The following ROS1 variants were observed in gnomAD, a reference collection of about 807,000 sequenced individuals.
ROS1 encodes ROS proto-oncogene 1, receptor tyrosine kinase.
In ROS1, 263 loss-of-function variants were observed where a neutral mutation model predicts 273.5. The observed-to-expected ratio is 0.96, with a 90% CI of 0.87 to 1.06. The LOEUF (loss-of-function observed/expected upper bound fraction) is 1.06, where lower values mean the gene tolerates loss of function less well. Ranked by LOEUF, ROS1 falls within the 50% of genes least tolerant of loss-of-function variation. The pLI is 0.00. For synonymous variants in ROS1, 1,008 were observed against 954.1 expected, an observed-to-expected ratio of 1.06 and a Z score of -1.04; for missense variants, 2,833 against 2,751.1, an observed-to-expected ratio of 1.03 and a Z score of -0.67.
In ROS1 at chr6:117,288,730, C is replaced by T. The variant is rs771217753; in HGVS notation, c.6788G>A (p.Arg2263Gln). 61 of 1,613,900 alleles carry T rather than the reference C, an allele frequency of 3.8e-5. No individual in the cohort carries two copies. Among genetic ancestry groups the T allele is most frequent in the Admixed American group, 1.0e-4 (6 of 59,986 alleles). The change falls in exon 44 of 44, where the codon CGA (arginine) becomes CAA (glutamine). Residue 2263 changes from arginine to glutamine, a missense_variant. Arg to Gln is a conservative substitution (Grantham distance 43). Transcript: ENST00000368507. ...AAGTACCATATAGTTTAACCCTTCT[C>T]GGTTCTTCGTTTCCATTAAAGCAAC... ...MPVALMETKN[R>Q]EGLNYMVLAT... is the part of the protein sequence containing the mutation.
chr6:117,385,654 A>G, intron 16 of ROS1, 29 bp downstream of exon 16: 1 of 1,608,748 alleles, frequency 6.2e-7, no homozygotes, highest in African/African-American at 1.3e-5. Flanking sequence ...ATCATTCTAG[A>G]GCATCCAGAA....
intron 35 of ROS1, among the ~76,000 whole-genome samples, chr6:117,322,947 G>C (rs1490294740): frequency 1.3e-5 from 2 of 152,124 alleles, no homozygotes; most frequent in African/African-American, 2.4e-5. Flanking sequence ...CTAGAGTTAT[G>C]GGTTTAAACA....
In ROS1 at chr6:117,341,618, G is replaced by A. The variant is rs2128622798; in HGVS notation, c.4666C>T (p.Gln1556Ter). The part of the protein sequence containing the change: ...KTKNGVPEAV[Q>*]LINTTVRSDT... ...GACCGCACAGTTGTATTAATGAGCT[G>A]CACTGCCTCTGGTACTGAAATAAAT... is the stretch of plus-strand genomic sequence containing the variant. The change falls in exon 30 of 44, where the codon CAG becomes TAG. Residue 1556 changes from glutamine to a stop codon, truncating the protein, a stop_gained. Coordinates refer to ENST00000368507, the MANE Select transcript of ROS1 (RefSeq NM_001378902.1). LOFTEE classifies it high-confidence loss of function. 2 of 1,612,518 alleles carry A rather than the reference G, an allele frequency of 1.2e-6. No individual in the cohort carries two copies. Among genetic ancestry groups the A allele is most frequent in the African/African-American group, 2.7e-5 (2 of 75,008 alleles).
intron 18 of ROS1, among the ~76,000 whole-genome samples, chr6:117,371,478 G>A (rs984825661): frequency 6.6e-6 from 1 of 152,184 alleles, no homozygotes; most frequent in East Asian, 1.9e-4. Context: ...GATCCTTGGG[G>A]AGGGCTGCCA....
intron 39 of ROS1, among the ~76,000 whole-genome samples, chr6:117,311,758 C>G (rs1775567297): frequency 6.6e-6 from 1 of 152,088 alleles, no homozygotes; most frequent in Non-Finnish European, 1.5e-5. Flanking sequence ...CAAACATACA[C>G]TTGAGCCTGT....
chr6:117,342,839 G>A (rs994135624), intron 28 of ROS1, among the ~76,000 whole-genome samples: 2 of 152,034 alleles, frequency 1.3e-5, no homozygotes, highest in Non-Finnish European at 2.9e-5. Flanking sequence ...CATTGTATTA[G>A]AAATTCAGCA....
chr6:117,396,500 C>G (rs1447345802), intron 8 of ROS1, among the ~76,000 whole-genome samples: 1 of 151,732 alleles, frequency 6.6e-6, no homozygotes, highest in Non-Finnish European at 1.5e-5. Flanking sequence ...TCTGCATGAC[C>G]CCCATTCTTC....
chr6:117,306,018 T>C (rs1394024288), intron 42 of ROS1, among the ~76,000 whole-genome samples: 1 of 147,902 alleles, frequency 6.8e-6, no homozygotes. Flanking sequence ...TCTTTACAAC[T>C]CTTCTCCTCA....
intron 43 of ROS1, among the ~76,000 whole-genome samples, chr6:117,292,119 A>C (rs1305039195): frequency 6.6e-6 from 1 of 151,836 alleles, no homozygotes; most frequent in African/African-American, 2.4e-5. Context: ...ACAGGCGCCC[A>C]CCACCATGCC....
At chr6:117,347,563 A>G (rs1200931575) in intron 27 of ROS1, among the ~76,000 whole-genome samples, 1 of 151,996 alleles carries the variant, frequency 6.6e-6, no homozygotes, top group Non-Finnish European at 1.5e-5. Context: ...CTTGTATTGT[A>G]TACCTTTTCT....
At chr6:117,410,547 A>C (rs1774818982) in intron 4 of ROS1, among the ~76,000 whole-genome samples, 1 of 152,128 alleles carries the variant, frequency 6.6e-6, no homozygotes, top group Non-Finnish European at 1.5e-5. Context: ...ATTTCCTGCA[A>C]CTCTTAACAG....
intron 4 of ROS1, among the ~76,000 whole-genome samples, chr6:117,412,606 A>G (rs3777979): frequency 0.058 from 1,389 of 23,880 alleles, 51 homozygotes; most frequent in Admixed American, 0.25. Flanking sequence ...ATAGATAGAC[A>G]GATAGATAGA....
At chr6:117,397,179 A>C (rs1163025482) in intron 7 of ROS1, 63 bp from the exon 8 acceptor site, 1 of 1,134,358 alleles carries the variant, frequency 8.8e-7, no homozygotes, top group African/African-American at 1.6e-5. Context: ...TTTTAAAATA[A>C]GATGGAAAAA....
rs1459296351 is a variant in ROS1 at position 117,393,296 on chromosome 6, C to T, written c.1217G>A (p.Cys406Tyr). 7 of 1,611,582 alleles carry T rather than the reference C, an allele frequency of 4.3e-6. No individual in the cohort carries two copies. Among genetic ancestry groups the T allele is most frequent in the Non-Finnish European group, 5.9e-6 (7 of 1,178,212 alleles). ...TGGAGTAATTTCCTCGATGTTTGAG[C>T]AGTTCTCTAAATCACAGACACATAC... is the stretch of plus-strand genomic sequence containing the variant. ...ELVCVCDLEN[C>Y]SNIEEITPPS... Residue 406 changes from cysteine to tyrosine, a missense_variant, in exon 12 of 44, where the codon TGC becomes TAC. Coordinates refer to ENST00000368507, the MANE Select transcript of ROS1 (RefSeq NM_001378902.1).
At chr6:117,328,268 C>A (rs1385872435) in intron 33 of ROS1, among the ~76,000 whole-genome samples, 1 of 151,954 alleles carries the variant, frequency 6.6e-6, no homozygotes, top group Non-Finnish European at 1.5e-5. Flanking sequence ...ACAGTGGAGA[C>A]CTGGAGCAAG....
chr6:117,333,136 A>T (rs1423028291), intron 32 of ROS1, among the ~76,000 whole-genome samples: 1 of 152,154 alleles, frequency 6.6e-6, no homozygotes, highest in African/African-American at 2.4e-5. Flanking sequence ...GAGAAGAATC[A>T]AATAGACACA....
chr6:117,420,269 T>C (rs1023864121), intron 1 of ROS1, among the ~76,000 whole-genome samples: 13 of 151,914 alleles, frequency 8.6e-5, no homozygotes, highest in Admixed American at 8.5e-4. Flanking sequence ...CTGGTTTGCC[T>C]TAGCTCCAAC....
chr6:117,386,855 T>A (rs752514784), intron 15 of ROS1, 34 bp downstream of exon 15: 1 of 1,078,702 alleles, frequency 9.3e-7, no homozygotes, highest in Non-Finnish European at 1.4e-6. Flanking sequence ...AGTAGAAATC[T>A]GTCATTCAAG....
chr6:117,333,529 G>A (rs1777247921), intron 32 of ROS1, among the ~76,000 whole-genome samples: 1 of 152,076 alleles, frequency 6.6e-6, no homozygotes, highest in Non-Finnish European at 1.5e-5. Flanking sequence ...AAACTGGGAA[G>A]AGACACAACA....
Sources: gnomAD v4.1 joint callset for allele counts (sites outside exome capture counted in the v4.1 genomes callset) on GRCh38, gnomAD v4.1.1 for gene constraint, MANE v1.5 for transcripts, NCBI Gene and HGNC (gene_info 2026-07-23, HGNC 2026-07-21) for gene names.